The following HAO1 variants were observed in gnomAD, a reference collection of about 807,000 sequenced individuals.
HAO1 encodes hydroxyacid oxidase 1, also known as 2-Hydroxyacid oxidase 1.
Under a neutral mutation model 39.7 loss-of-function variants are expected in HAO1, and 34 were observed. That is an observed-to-expected ratio of 0.86 (90% CI 0.65 to 1.14). HAO1 has a LOEUF of 1.14. HAO1 is among the 50% of genes most tolerant of loss of function. HAO1 has a pLI of 0.00. For synonymous variants in HAO1, 172 were observed against 173.2 expected (o/e 0.99, Z 0.05); for missense variants, 479 against 464.5 (o/e 1.03, Z -0.29).
intron 2 of HAO1, among the ~76,000 whole-genome samples, chr20:7,919,676 C>A (rs1252248188): frequency 6.6e-6 from 1 of 152,154 alleles, no homozygotes; most frequent in East Asian, 1.9e-4. Flanking sequence ...AGATCATCTA[C>A]TGGGGCAATG....
At chr20:7,925,291 G>T (rs1351729673) in intron 2 of HAO1, among the ~76,000 whole-genome samples, 1 of 152,110 alleles carries the variant, frequency 6.6e-6, no homozygotes, top group Non-Finnish European at 1.5e-5. Flanking sequence ...GAAAGACCAA[G>T]AAACCAGATT....
chr20:7,925,463 T>C (rs1474978409), intron 2 of HAO1, among the ~76,000 whole-genome samples: 15 of 152,132 alleles, frequency 9.9e-5, no homozygotes, highest in Admixed American at 9.8e-4. Flanking sequence ...CCTTCCTTGT[T>C]TTCACTGTAT....
rs180887219 is a variant in HAO1, at chr20:7,935,352, T to A, written c.138-717A>T. ...ACAGGTTCTTGTGTGAACATAGTTT[T>A]CGTTTCACTTCCCCAATCTTGAAAA... On this transcript the variant is annotated intron_variant, in intron 1 of 7. Coordinates refer to ENST00000378789, the MANE Select transcript of HAO1 (RefSeq NM_017545.3). 1.8e-3 allele frequency among the ~76,000 whole-genome samples: 278 copies of A among 152,350 alleles called. 1 individual carries two copies. Among genetic ancestry groups the A allele is most frequent in the South Asian group, 2.7e-3 (13 of 4,820 alleles).
At position 7,940,270 on chromosome 20, in the gene HAO1, A is replaced by C. The variant is rs770842832; in HGVS notation, c.137+16T>G. Reference sequence around the variant, plus strand: ...TGTAATTTTAAAACATGATTTTAAAAAATAAATTTTCTTACCTGGAAAATG... The same window carrying C: ...TGTAATTTTAAAACATGATTTTAAACAATAAATTTTCTTACCTGGAAAATG... On this transcript the variant is annotated intron_variant, in intron 1 of 7. Coordinates refer to ENST00000378789, the MANE Select transcript of HAO1 (RefSeq NM_017545.3). 1.6e-4 allele frequency: 255 copies of C among 1,585,818 alleles called. No individual in the cohort carries two copies. The highest frequency in any genetic ancestry group is 9.7e-4 in the Admixed American group (52 of 53,698).
chr20:7,925,264 A>G (rs1047631855), intron 2 of HAO1, among the ~76,000 whole-genome samples: 4 of 152,162 alleles, frequency 2.6e-5, no homozygotes, highest in African/African-American at 9.6e-5. Flanking sequence ...GAACTGAACC[A>G]ATTTAAACAC....
intron 2 of HAO1, among the ~76,000 whole-genome samples, chr20:7,923,517 C>T (rs1019155324): frequency 6.6e-6 from 1 of 152,130 alleles, no homozygotes; most frequent in Admixed American, 6.6e-5. Context: ...CTAGAGTCTC[C>T]TTGTGACTTC....
chr20:7,888,956 C>T (rs764233098), intron 5 of HAO1, among the ~76,000 whole-genome samples: 1 of 152,142 alleles, frequency 6.6e-6, no homozygotes, highest in South Asian at 2.1e-4. Context: ...CTGAGCTCAT[C>T]CTATGACAGC....
intron 4 of HAO1, among the ~76,000 whole-genome samples, chr20:7,903,417 GA>G (rs1260827355): frequency 1.1e-4 from 16 of 151,184 alleles, no homozygotes; most frequent in African/African-American, 3.9e-4. Flanking sequence ...AAACAAACCA[GA>G]AATCCATATG....
chr20:7,909,987 G>A (rs1320388002), intron 3 of HAO1, among the ~76,000 whole-genome samples: 1 of 152,180 alleles, frequency 6.6e-6, no homozygotes, highest in Non-Finnish European at 1.5e-5. Flanking sequence ...AGAAGGTTCA[G>A]GGAATGAATT....
chr20:7,932,654 T>C (rs988371147), intron 2 of HAO1, among the ~76,000 whole-genome samples: 1 of 152,124 alleles, frequency 6.6e-6, no homozygotes, highest in African/African-American at 2.4e-5. Flanking sequence ...AATATCATTC[T>C]ACATTATTGC....
At chr20:7,916,169 A>G (rs1008065801) in intron 2 of HAO1, among the ~76,000 whole-genome samples, 1 of 152,184 alleles carries the variant, frequency 6.6e-6, no homozygotes, top group African/African-American at 2.4e-5. Flanking sequence ...TCTTCCAAAA[A>G]TTGGTAGTAA....
intron 2 of HAO1, among the ~76,000 whole-genome samples, chr20:7,924,739 G>C (rs1016506090): frequency 7.9e-5 from 12 of 151,978 alleles, no homozygotes; most frequent in African/African-American, 2.9e-4. Flanking sequence ...ATGGTTTTAA[G>C]GAAAAAGAGG....
At chr20:7,930,290 T>A (rs1186418213) in intron 2 of HAO1, among the ~76,000 whole-genome samples, 1 of 152,164 alleles carries the variant, frequency 6.6e-6, no homozygotes, top group East Asian at 1.9e-4. Flanking sequence ...TTTCCCAATA[T>A]TCCCAAGGAC....
At chr20:7,889,362 T>C (rs2050163867) in intron 5 of HAO1, among the ~76,000 whole-genome samples, 1 of 151,954 alleles carries the variant, frequency 6.6e-6, no homozygotes, top group South Asian at 2.1e-4. Context: ...AAAATGAAAA[T>C]GAAAAATTGA....
intron 4 of HAO1, among the ~76,000 whole-genome samples, chr20:7,901,520 C>A (rs904825064): frequency 2.0e-5 from 3 of 152,132 alleles, no homozygotes; most frequent in South Asian, 2.1e-4. Flanking sequence ...ACTGTCGAGA[C>A]CTGCTGCTCA....
intron 3 of HAO1, among the ~76,000 whole-genome samples, chr20:7,906,758 T>C (rs2050250345): frequency 6.6e-6 from 1 of 152,204 alleles, no homozygotes; most frequent in Non-Finnish European, 1.5e-5. Flanking sequence ...ATTATCACAA[T>C]TTTTCTTTAA....
At chr20:7,912,783 G>T (rs1600113747) in intron 3 of HAO1, among the ~76,000 whole-genome samples, 1 of 152,274 alleles carries the variant, frequency 6.6e-6, no homozygotes, top group Admixed American at 6.5e-5. Context: ...GGCCAGTTTG[G>T]CAGGGAGAGC....
chr20:7,919,083 AG>A (rs1948816944), intron 2 of HAO1, among the ~76,000 whole-genome samples: 1 of 152,212 alleles, frequency 6.6e-6, no homozygotes, highest in African/African-American at 2.4e-5. Context: ...CTCACAGCTG[AG>A]GTCATATTAA....
chr20:7,903,405 A>G (rs1462615315), intron 4 of HAO1, among the ~76,000 whole-genome samples: 1 of 152,048 alleles, frequency 6.6e-6, no homozygotes, highest in East Asian at 1.9e-4. Context: ...AAAAATATTT[A>G]GAAACAAACC....
Sources: allele counts gnomAD v4.1 joint callset (sites outside exome capture counted in the v4.1 genomes callset), GRCh38; gene constraint gnomAD v4.1.1; transcripts MANE v1.5; gene names NCBI Gene and HGNC (gene_info 2026-07-23, HGNC 2026-07-21).